Variants in TTLL6 observed in about 807,000 individuals in gnomAD.
TTLL6 encodes the protein tubulin polyglutamylase TTLL6.
In TTLL6, 75 loss-of-function variants were observed where a neutral mutation model predicts 96.4. The ratio of observed to expected loss-of-function variants is 0.78; its 90% CI spans 0.65 to 0.94. The LOEUF is 0.94. Among genes scored for constraint, TTLL6 ranks in the 40% least tolerant of loss-of-function variants. The probability of loss-of-function intolerance (pLI) is 0.00; values close to 1 mark genes in which losing one functional copy is unlikely to be tolerated. For synonymous variants in TTLL6, 411 were observed against 419.4 expected, an observed-to-expected ratio of 0.98 and a Z score of 0.24; for missense variants, 1,030 against 1,093.0, an observed-to-expected ratio of 0.94 and a Z score of 0.81.
rs1322005775 is a variant in TTLL6 at position 48,817,120 on chromosome 17, G to A, written c.-48C>T. 2.3e-5 allele frequency: 33 copies of A among 1,443,108 alleles called. No individual in the cohort carries two copies. Among genetic ancestry groups the A allele is most frequent in the Non-Finnish European group, 3.0e-5 (32 of 1,070,284 alleles). The allele number at this position is 1,443,108 out of a possible 1,614,324, so 89.4% of individuals were successfully genotyped here. Reference sequence around the variant, plus strand: ...CCAACCCGCGCTCGCCCTAACTTTGGGTCCGCCCGGCCCTCATATTTGCAT... The same window carrying A: ...CCAACCCGCGCTCGCCCTAACTTTGAGTCCGCCCGGCCCTCATATTTGCAT... On this transcript the variant is annotated 5_prime_UTR_variant, in exon 1 of 16. Transcript: ENST00000393382.
chr17:48,785,088 C>A lies in TTLL6; in HGVS notation c.1875G>T (p.Glu625Asp), dbSNP rs1198262307. 6.2e-7 allele frequency: 1 copy of A among 1,614,100 alleles called. No homozygotes were observed. The highest frequency in any genetic ancestry group is 2.2e-5 in the East Asian group (1 of 44,880). Reference protein sequence around the residue: ...SSLNQEAPTEEASSVFPKLTS... With the variant: ...SSLNQEAPTEDASSVFPKLTS... Reference sequence around the variant, plus strand: ...TCAGCTTGGGGAAAACAGAGCTGGCCTCCTCCGTGGGAGCCTCCTGGTTGA... The same window carrying A: ...TCAGCTTGGGGAAAACAGAGCTGGCATCCTCCGTGGGAGCCTCCTGGTTGA... The change falls in exon 13 of 16, where the codon GAG becomes GAT. Residue 625 changes from glutamate to aspartate, a missense_variant. Coordinates refer to ENST00000393382, the MANE Select transcript of TTLL6 (RefSeq NM_001130918.3).
chr17:48,799,381 AG>A (rs1405741828), intron 6 of TTLL6, among the ~76,000 whole-genome samples: 1 of 152,242 alleles, frequency 6.6e-6, no homozygotes, highest in Non-Finnish European at 1.5e-5. Flanking sequence ...CCAGCCTGGC[AG>A]GGCCAGACCA....
Position 48,782,074 on chromosome 17 carries a change from G to A in TTLL6, c.2040+2849C>T, listed in dbSNP as rs550403570. On this transcript the variant is annotated intron_variant, in intron 13 of 15. Transcript: ENST00000393382. ...CTAAGGCAAATCCCTTATCAGACAC[G>A]TGGTTTGTAAATATATATACTTTTT... Among the ~76,000 whole-genome samples, 301 of 151,294 alleles carry A rather than the reference G, an allele frequency of 2.0e-3. 1 individual carries two copies. The highest frequency in any genetic ancestry group is 6.9e-3 in the African/African-American group (286 of 41,234).
At chr17:48,808,250 T>C (rs528646340) in intron 1 of TTLL6, among the ~76,000 whole-genome samples, 4 of 152,248 alleles carry the variant, frequency 2.6e-5, no homozygotes, top group Non-Finnish European at 4.4e-5. Context: ...TTTAATATTA[T>C]ACAAATAGCT....
chr17:48,794,021 T>G (rs901200292), intron 8 of TTLL6, among the ~76,000 whole-genome samples: 2 of 151,810 alleles, frequency 1.3e-5, no homozygotes, highest in Admixed American at 6.6e-5. Context: ...TGAGGAGAGA[T>G]GGACCTGGAG....
intron 1 of TTLL6, among the ~76,000 whole-genome samples, chr17:48,816,708 T>G (rs1289841462): frequency 6.6e-6 from 1 of 152,170 alleles, no homozygotes; most frequent in East Asian, 1.9e-4. Flanking sequence ...CGACAGCTCC[T>G]TGGTGGACTG....
At chr17:48,801,983 T>C (rs939206341) in intron 3 of TTLL6, among the ~76,000 whole-genome samples, 4 of 150,000 alleles carry the variant, frequency 2.7e-5, no homozygotes, top group Non-Finnish European at 5.9e-5. Context: ...AAGTCGAGGC[T>C]GCAGTGAGCC....
Position 48,762,745 on chromosome 17 carries a change from AC to A in TTLL6, c.*228del, listed in dbSNP as rs2038513604. Reference sequence around the variant, plus strand: ...TGTGTCCTGGGGCAGCACCAATCCAACCCCAGAAATCATGGTCCTGTAGCAC... The same window carrying A: ...TGTGTCCTGGGGCAGCACCAATCCAACCCAGAAATCATGGTCCTGTAGCAC... On this transcript the variant is annotated 3_prime_UTR_variant, in exon 16 of 16. Transcript: ENST00000393382. 1.2e-5 allele frequency: 4 copies of A among 333,710 alleles called. No homozygotes were observed. Among genetic ancestry groups the A allele is most frequent in the Non-Finnish European group, 2.3e-5 (4 of 171,280 alleles). The allele number at this position is 333,710 out of a possible 1,614,324, so 20.7% of individuals were successfully genotyped here. A position where few individuals can be genotyped will look rare whatever the true frequency, so the allele number is the denominator to read the frequency against.
chr17:48,764,589 T>C (rs1222983045), intron 15 of TTLL6, among the ~76,000 whole-genome samples: 2 of 152,170 alleles, frequency 1.3e-5, no homozygotes, highest in African/African-American at 2.4e-5. Context: ...TGATCCTCCA[T>C]TGAGGCCTCT....
intron 3 of TTLL6, among the ~76,000 whole-genome samples, chr17:48,802,477 C>T (rs181469036): frequency 6.6e-6 from 1 of 152,262 alleles, no homozygotes; most frequent in East Asian, 1.9e-4. Context: ...GAGCTGACTC[C>T]AACACAAACT....
At chr17:48,801,098 C>T (rs1003236941) in intron 5 of TTLL6, among the ~76,000 whole-genome samples, 157 bp downstream of exon 5, 2 of 152,190 alleles carry the variant, frequency 1.3e-5, no homozygotes, top group Non-Finnish European at 2.9e-5. Context: ...GTTTTCTCAA[C>T]CTTGGACACA....
At chr17:48,794,941 T>G (rs976525503) in intron 8 of TTLL6, among the ~76,000 whole-genome samples, 1 of 152,198 alleles carries the variant, frequency 6.6e-6, no homozygotes, top group Non-Finnish European at 1.5e-5. Flanking sequence ...AGACTCAGTT[T>G]CCTCATCTGT....
intron 13 of TTLL6, among the ~76,000 whole-genome samples, chr17:48,780,265 C>T (rs759445719): frequency 2.0e-5 from 3 of 152,076 alleles, no homozygotes; most frequent in Non-Finnish European, 4.4e-5. Context: ...CCTGCCTCAG[C>T]GAACTCCTGA....
chr17:48,795,181 C>T (rs184267389), intron 8 of TTLL6, among the ~76,000 whole-genome samples: 1 of 151,964 alleles, frequency 6.6e-6, no homozygotes, highest in African/African-American at 2.4e-5. Context: ...CAAAACTTAG[C>T]GGAGTGTGGT....
chr17:48,794,290 A>C (rs2039281511), intron 8 of TTLL6: 1 of 1,613,370 alleles, frequency 6.2e-7, no homozygotes, highest in African/African-American at 1.3e-5. Context: ...TTGGAGGAGG[A>C]AAATGAGAAC....
Position 48,769,249 on chromosome 17 carries a change from G to A in TTLL6, c.2416C>T (p.Pro806Ser). 6.3e-7 allele frequency: 1 copy of A among 1,596,608 alleles called. No homozygotes were observed. Among genetic ancestry groups the A allele is most frequent in the Non-Finnish European group, 8.6e-7 (1 of 1,169,122 alleles). The change falls in exon 15 of 16, where the codon CCC becomes TCC. Residue 806 changes from proline to serine, a missense_variant. By Grantham distance (74) the Pro-to-Ser change is moderately conservative. Transcript: ENST00000393382. ...GAGTGGCACTCCCCAGGCAGGGAGGGGTTTTCTGGAAAGGCAAAGTCAGAA... is the reference window on the plus strand; with the variant it reads ...GAGTGGCACTCCCCAGGCAGGGAGGAGTTTTCTGGAAAGGCAAAGTCAGAA... Reference protein sequence around the residue: ...KLGMNNLSQNPSLPGECHSRS... With the variant: ...KLGMNNLSQNSSLPGECHSRS...
chr17:48,784,931 CA>C lies in TTLL6; in HGVS notation c.2031del (p.Gly678AlafsTer5), dbSNP rs1200890583. On this transcript the variant is annotated frameshift_variant, in exon 13 of 16. Coordinates refer to ENST00000393382, the MANE Select transcript of TTLL6 (RefSeq NM_001130918.3). LOFTEE classifies it high-confidence loss of function. ...CTCGGCTCACTACTTACCACAGTGCCAGTGAATACGTTCACTGCAGAGGCAG... is the reference window on the plus strand; with the variant it reads ...CTCGGCTCACTACTTACCACAGTGCCGTGAATACGTTCACTGCAGAGGCAG... ...AKSASAVNVF[T>X]GTVHLTSVET... 1 of 1,613,692 alleles carries C rather than the reference CA, an allele frequency of 6.2e-7. No individual in the cohort carries two copies. Among genetic ancestry groups the C allele is most frequent in the South Asian group, 1.1e-5 (1 of 91,076 alleles).
intron 13 of TTLL6, among the ~76,000 whole-genome samples, chr17:48,772,449 T>C (rs1001003057): frequency 6.6e-6 from 1 of 152,084 alleles, no homozygotes; most frequent in African/African-American, 2.4e-5. Context: ...TAAAAGAATA[T>C]GGCTGGGTGC....
At chr17:48,809,266 C>G (rs1598004442) in intron 1 of TTLL6, among the ~76,000 whole-genome samples, 1 of 152,094 alleles carries the variant, frequency 6.6e-6, no homozygotes, top group Non-Finnish European at 1.5e-5. Flanking sequence ...GTCAATTGTT[C>G]CCAGTGAACA....
Sources: gnomAD v4.1 joint callset for allele counts (sites outside exome capture counted in the v4.1 genomes callset) on GRCh38, gnomAD v4.1.1 for gene constraint, MANE v1.5 for transcripts, NCBI Gene and HGNC (gene_info 2026-07-23, HGNC 2026-07-21) for gene names.